The following SLC22A5 variants were observed in gnomAD, a reference collection of about 807,000 sequenced individuals.
The protein encoded by SLC22A5 is organic cation/carnitine transporter 2.
Under a neutral mutation model 56.7 loss-of-function variants are expected in SLC22A5, and 44 were observed. That is an observed-to-expected ratio of 0.78 (90% CI 0.61 to 1.00). SLC22A5 has a LOEUF of 1.00. SLC22A5 is among the 50% of genes least tolerant of loss of function. SLC22A5 has a pLI of 0.00. For missense variants in SLC22A5, 675 were observed against 723.0 expected, an observed-to-expected ratio of 0.93 and a Z score of 0.76; for synonymous variants, 278 against 292.1, an observed-to-expected ratio of 0.95 and a Z score of 0.49.
chr5:132,393,811 G>C lies in SLC22A5; in HGVS notation c.1586G>C (p.Gly529Ala), dbSNP rs201307440. 1 of 1,614,122 alleles carries C rather than the reference G, an allele frequency of 6.2e-7. No individual in the cohort carries two copies. The highest frequency in any genetic ancestry group is 8.5e-7 in the Non-Finnish European group (1 of 1,180,002). Reference sequence around the variant, plus strand: ...ATTGACCAGATGCTAAGAGTCAAAGGGTAAGAAGACCTCCTCTGTCAGTGT... The same window carrying C: ...ATTGACCAGATGCTAAGAGTCAAAGCGTAAGAAGACCTCCTCTGTCAGTGT... ...DTIDQMLRVK[G>A]MKHRKTPSHT... The change falls in exon 9 of 10, where the codon GGA (glycine) becomes GCA (alanine). Residue 529 changes from glycine to alanine, a missense_variant and splice_region_variant. By Grantham distance (60) the Gly-to-Ala change is moderately conservative (BLOSUM62 0). Coordinates refer to ENST00000245407, the MANE Select transcript of SLC22A5 (RefSeq NM_003060.4).
intron 4 of SLC22A5, among the ~76,000 whole-genome samples, chr5:132,386,516 C>T (rs748433390): frequency 2.0e-5 from 3 of 152,200 alleles, no homozygotes; most frequent in Non-Finnish European, 4.4e-5. Context: ...TAGGAGTGAA[C>T]CACTGCACCT....
chr5:132,372,503 G>A (rs969824611), intron 1 of SLC22A5, among the ~76,000 whole-genome samples: 2 of 152,198 alleles, frequency 1.3e-5, no homozygotes. Context: ...GCTGAGTGAT[G>A]GTGGCATTGA....
chr5:132,373,185 T>C (rs10060615), intron 1 of SLC22A5, among the ~76,000 whole-genome samples: 47,620 of 152,130 alleles, frequency 0.31, 9,611 homozygotes, highest in Non-Finnish European at 0.46. Flanking sequence ...AGAAAAATAG[T>C]TCAGTTCTTA....
intron 9 of SLC22A5, 97 bp downstream of exon 9, chr5:132,393,908 C>T: frequency 1.4e-6 from 2 of 1,384,574 alleles, no homozygotes; most frequent in Non-Finnish European, 2.1e-6. Context: ...AACTCCCTCT[C>T]ACAGACACCA....
At chr5:132,378,831 C>T (rs1350181744) in intron 2 of SLC22A5, 1 of 355,652 alleles carries the variant, frequency 2.8e-6, no homozygotes, top group African/African-American at 2.1e-5. Flanking sequence ...ACATCATGCA[C>T]ACATGCACAT....
intron 6 of SLC22A5, chr5:132,390,435 C>A: frequency 3.7e-6 from 2 of 544,380 alleles, no homozygotes; most frequent in Non-Finnish European, 6.6e-6. Context: ...ATTATACAAG[C>A]TTTTTTGCTG....
chr5:132,375,077 G>C (rs1183312069), intron 1 of SLC22A5, among the ~76,000 whole-genome samples: 1 of 152,158 alleles, frequency 6.6e-6, no homozygotes, highest in Non-Finnish European at 1.5e-5. Flanking sequence ...GAGTATTCTG[G>C]AGATTGAAGT....
chr5:132,377,421 G>C (rs547127649), intron 1 of SLC22A5: 1 of 152,348 alleles, frequency 6.6e-6, no homozygotes, highest in Non-Finnish European at 1.5e-5. Context: ...AGTCTGCAAA[G>C]GTTACTACTG....
At chr5:132,374,920 G>C (rs1226838800) in intron 1 of SLC22A5, among the ~76,000 whole-genome samples, 2 of 152,214 alleles carry the variant, frequency 1.3e-5, no homozygotes, top group Admixed American at 1.3e-4. Flanking sequence ...CCAGGCTGGT[G>C]GTGCATCCCT....
At position 132,369,933 on chromosome 5, in the gene SLC22A5, C is replaced by T; in HGVS notation, c.-40C>T. Reference sequence around the variant, plus strand: ...CGCACGCGCAAAGCCCGCCGCGTTCCCCGACCCCAGGCCGCGCTCTGTGGG... The same window carrying T: ...CGCACGCGCAAAGCCCGCCGCGTTCTCCGACCCCAGGCCGCGCTCTGTGGG... On this transcript the variant is annotated 5_prime_UTR_variant, in exon 1 of 10. Coordinates refer to ENST00000245407, the MANE Select transcript of SLC22A5 (RefSeq NM_003060.4). The T allele has an allele frequency of 1.2e-6, 2 of 1,608,264 alleles. No individual in the cohort carries two copies. Among genetic ancestry groups the T allele is most frequent in the Admixed American group, 3.3e-5 (2 of 59,754 alleles).
In SLC22A5 at chr5:132,372,828, A is replaced by C. The variant is rs563022600; in HGVS notation, c.393+2463A>C. 3.3e-5 allele frequency among the ~76,000 whole-genome samples: 5 copies of C among 152,318 alleles called. No homozygotes were observed. The East Asian group carries it at 9.6e-4, about 29-fold the overall frequency. On this transcript the variant is annotated intron_variant, in intron 1 of 9. Transcript: ENST00000245407. ...CTATGGCCTGTTGTCTTTCAACCCA[A>C]ACCTGGCCTGCTGACCACTGCATCT...
chr5:132,392,393 G>C, intron 7 of SLC22A5, 40 bp from the exon 8 acceptor site: 1 of 1,578,048 alleles, frequency 6.3e-7, no homozygotes, highest in Non-Finnish European at 8.7e-7. Context: ...CATGCCATGG[G>C]TTGGTACCTA....
Position 132,385,477 on chromosome 5 carries a change from G to T in SLC22A5, c.802G>T (p.Val268Leu). 1.2e-6 allele frequency: 2 copies of T among 1,614,188 alleles called. No individual in the cohort carries two copies. Among genetic ancestry groups the T allele is most frequent in the East Asian group, 2.2e-5 (1 of 44,882 alleles). ...GCTGGTGGCGCTGACGATGCCGGGGGTGCTATGCGTGGCACTCTGGTGGTG... is the reference window on the plus strand; with the variant it reads ...GCTGGTGGCGCTGACGATGCCGGGGTTGCTATGCGTGGCACTCTGGTGGTG... ...MLLVALTMPG[V>L]LCVALWWFIP... Residue 268 changes from valine to leucine, a missense_variant, in exon 4 of 10, where the codon GTG (valine) becomes TTG (leucine). By Grantham distance (32) the Val-to-Leu change is conservative. Coordinates refer to ENST00000245407, the MANE Select transcript of SLC22A5 (RefSeq NM_003060.4).
intron 1 of SLC22A5, among the ~76,000 whole-genome samples, chr5:132,373,299 G>A (rs901522009): frequency 1.3e-5 from 2 of 152,076 alleles, no homozygotes; most frequent in African/African-American, 4.8e-5. Flanking sequence ...CATGGATGTG[G>A]AATGAGGTGT....
chr5:132,386,276 G>A (rs1054230116), intron 4 of SLC22A5, among the ~76,000 whole-genome samples: 3 of 147,018 alleles, frequency 2.0e-5, no homozygotes, highest in Admixed American at 6.9e-5. Context: ...TGCCCAGGCT[G>A]TAGTGCAGTG....
Position 132,387,141 on chromosome 5 carries a change from A to C in SLC22A5, c.941A>C (p.Asp314Ala). 1 of 1,614,058 alleles carries C rather than the reference A, an allele frequency of 6.2e-7. No individual in the cohort carries two copies. Among genetic ancestry groups the C allele is most frequent in the Non-Finnish European group, 8.5e-7 (1 of 1,180,016 alleles). Residue 314 changes from aspartate (D) to alanine (A), a missense_variant, in exon 5 of 10, where the codon GAC (aspartate) becomes GCC (alanine). By Grantham distance (126) the Asp-to-Ala change is moderately radical. Transcript: ENST00000245407. ...NGIVVPSTIFDPSELQDLSSK... is the reference protein window; with the variant it reads ...NGIVVPSTIFAPSELQDLSSK... ...ATTGTTGTGCCTTCCACTATCTTTG[A>C]CCCGAGTGAGGTAAGCACCATGTGG...
chr5:132,393,010 C>G (rs147463610), intron 8 of SLC22A5, among the ~76,000 whole-genome samples: 1 of 152,266 alleles, frequency 6.6e-6, no homozygotes, highest in East Asian at 1.9e-4. Context: ...TGCAAGAGGT[C>G]TGATGAACGG....
chr5:132,389,017 C>CTGTGGTA lies in SLC22A5; in HGVS notation c.1052_1052+6dup. ...GATGGTCACCATCATGTCCATAATG[C>CTGTGGTA]TGTGGTATGTAAAAGAGACCTGCCT... On this transcript the variant is annotated frameshift_variant, in exon 6 of 10. Transcript: ENST00000245407. LOFTEE classifies it high-confidence loss of function. 1 of 1,607,030 alleles carries CTGTGGTA rather than the reference C, an allele frequency of 6.2e-7. No homozygotes were observed. Among genetic ancestry groups the CTGTGGTA allele is most frequent in the Non-Finnish European group, 8.5e-7 (1 of 1,173,540 alleles).
chr5:132,380,421 A>G (rs529097460), intron 2 of SLC22A5: 1 of 146,856 alleles, frequency 6.8e-6, no homozygotes, highest in South Asian at 2.3e-4. Context: ...CAATAGTGTG[A>G]CAATCAGATT....
Sources: allele counts gnomAD v4.1 joint callset (sites outside exome capture counted in the v4.1 genomes callset), GRCh38; gene constraint gnomAD v4.1.1; transcripts MANE v1.5; gene names NCBI Gene and HGNC (gene_info 2026-07-23, HGNC 2026-07-21).